The following ZNF804A variants were observed in gnomAD, a reference collection of about 807,000 sequenced individuals.
ZNF804A encodes zinc finger protein 804A.
ZNF804A carries 2 observed loss-of-function variants against 16.5 expected under a neutral mutation model. That is an observed-to-expected ratio of 0.12 (90% CI 0.05 to 0.38). The LOEUF is 0.38. Ranked by LOEUF, ZNF804A falls within the 10% of genes least tolerant of loss-of-function variation. The pLI is 0.99. For missense variants in ZNF804A, 1,473 were observed against 1,390.7 expected (o/e 1.06, Z -0.94); for synonymous variants, 534 against 489.6 (o/e 1.09, Z -1.20).
intron 2 of ZNF804A, among the ~76,000 whole-genome samples, chr2:184,873,169 T>C (rs1027209897): frequency 6.6e-6 from 1 of 152,194 alleles, no homozygotes; most frequent in African/African-American, 2.4e-5. Flanking sequence ...ATCTAGGGAA[T>C]TATTTTTGTG....
At chr2:184,678,987 G>C (rs371281347) in intron 1 of ZNF804A, among the ~76,000 whole-genome samples, 1 of 152,080 alleles carries the variant, frequency 6.6e-6, no homozygotes, top group Admixed American at 6.5e-5. Context: ...TAAATATATA[G>C]TGAGACTCGG....
At chr2:184,815,056 T>C (rs1283378577) in intron 1 of ZNF804A, among the ~76,000 whole-genome samples, 1 of 152,012 alleles carries the variant, frequency 6.6e-6, no homozygotes, top group African/African-American at 2.4e-5. Context: ...AATTGATCAA[T>C]AGAAATAACG....
intron 1 of ZNF804A, among the ~76,000 whole-genome samples, chr2:184,795,055 A>G (rs534105626): frequency 1.3e-5 from 2 of 152,248 alleles, no homozygotes; most frequent in African/African-American, 4.8e-5. Flanking sequence ...TTTAAACTAT[A>G]CCTTAGAACA....
At chr2:184,918,710 G>T (rs1685488679) in intron 2 of ZNF804A, among the ~76,000 whole-genome samples, 1 of 151,972 alleles carries the variant, frequency 6.6e-6, no homozygotes, top group Admixed American at 6.6e-5. Flanking sequence ...TTATCCTTCA[G>T]AGATACTTGC....
chr2:184,616,116 G>A (rs1384386453), intron 1 of ZNF804A, among the ~76,000 whole-genome samples: 1 of 152,008 alleles, frequency 6.6e-6, no homozygotes, highest in Non-Finnish European at 1.5e-5. Context: ...AACATGACTA[G>A]ATTTAGGAAA....
chr2:184,663,402 G>T (rs1281465278), intron 1 of ZNF804A, among the ~76,000 whole-genome samples: 1 of 152,116 alleles, frequency 6.6e-6, no homozygotes, highest in Admixed American at 6.5e-5. Context: ...CTAGACTTTG[G>T]GCACTGTGCA....
At chr2:184,696,768 T>G (rs1437025651) in intron 1 of ZNF804A, among the ~76,000 whole-genome samples, 1 of 152,066 alleles carries the variant, frequency 6.6e-6, no homozygotes, top group Non-Finnish European at 1.5e-5. Flanking sequence ...TCATTCCTTA[T>G]TCCTGTGTTC....
intron 1 of ZNF804A, among the ~76,000 whole-genome samples, chr2:184,713,724 T>A (rs1693170968): frequency 6.6e-6 from 1 of 151,998 alleles, no homozygotes; most frequent in Admixed American, 6.6e-5. Context: ...AACAACGCAT[T>A]TGTTTCTAAG....
chr2:184,697,354 G>T (rs1260796588), intron 1 of ZNF804A, among the ~76,000 whole-genome samples: 1 of 151,994 alleles, frequency 6.6e-6, no homozygotes, highest in Non-Finnish European at 1.5e-5. Context: ...TTGTTTCTGG[G>T]TCATAGAATC....
intron 1 of ZNF804A, among the ~76,000 whole-genome samples, chr2:184,675,652 A>C (rs1435939289): frequency 1.3e-5 from 2 of 151,780 alleles, no homozygotes; most frequent in African/African-American, 4.8e-5. Context: ...GCTATTAAAT[A>C]GATACTTTTT....
At chr2:184,638,198 T>G (rs947230533) in intron 1 of ZNF804A, among the ~76,000 whole-genome samples, 2 of 152,206 alleles carry the variant, frequency 1.3e-5, no homozygotes, top group Non-Finnish European at 2.9e-5. Flanking sequence ...ACTCTTATAT[T>G]TAACTTATTA....
At chr2:184,777,726 TTTG>T (rs921707408) in intron 1 of ZNF804A, among the ~76,000 whole-genome samples, 9 of 151,738 alleles carry the variant, frequency 5.9e-5, no homozygotes, top group African/African-American at 1.7e-4. Flanking sequence ...TAATTGGTCT[TTTG>T]TTGTTGTTGT....
chr2:184,939,230 AAT>A lies in ZNF804A; in HGVS notation c.*206_*207del, dbSNP rs1685855320. 1.8e-6 allele frequency: 1 copy of A among 560,442 alleles called. No individual in the cohort carries two copies. The highest frequency in any genetic ancestry group is 3.3e-5 in the Admixed American group (1 of 30,074). The allele number at this position is 560,442 out of a possible 1,614,324, so 34.7% of individuals were successfully genotyped here. A position where few individuals can be genotyped will look rare whatever the true frequency, so the allele number is the denominator to read the frequency against. ...GATATATAATATTATTAAAGCACTG[AAT>A]AGTTTGAAAATCAATACAATATATG... is the stretch of plus-strand genomic sequence containing the variant. On this transcript the variant is annotated 3_prime_UTR_variant, in exon 4 of 4. Transcript: ENST00000302277.
At chr2:184,613,725 A>G (rs1435977665) in intron 1 of ZNF804A, among the ~76,000 whole-genome samples, 8 of 152,284 alleles carry the variant, frequency 5.3e-5, no homozygotes, top group Admixed American at 3.3e-4. Flanking sequence ...TACAACTTAC[A>G]TGGAATGTGA....
rs368478931 is a variant in ZNF804A at position 184,936,323 on chromosome 2, T to C, written c.927T>C (p.Pro309=). 4 of 1,613,678 alleles carry C rather than the reference T, an allele frequency of 2.5e-6. No homozygotes were observed. The highest frequency in any genetic ancestry group is 2.2e-5 in the East Asian group (1 of 44,806). The part of the protein sequence containing the change: ...VSSEKDALLL[P]SFCKFQLQLS... ...GTGAAAAAGATGCATTATTATTACC[T>C]TCATTTTGCAAGTTTCAACTTCAGT... is the stretch of plus-strand genomic sequence containing the variant. The change falls in exon 4 of 4, where the codon CCT becomes CCC. Residue 309 remains proline (P), a synonymous_variant. Coordinates refer to ENST00000302277, the MANE Select transcript of ZNF804A (RefSeq NM_194250.2).
At chr2:184,883,906 C>T (rs977403750) in intron 2 of ZNF804A, among the ~76,000 whole-genome samples, 2 of 152,088 alleles carry the variant, frequency 1.3e-5, no homozygotes, top group African/African-American at 2.4e-5. Context: ...CAAGGATGCA[C>T]TCACTCACCA....
intron 1 of ZNF804A, among the ~76,000 whole-genome samples, chr2:184,613,267 T>C (rs1691266965): frequency 6.6e-6 from 1 of 152,220 alleles, no homozygotes; most frequent in African/African-American, 2.4e-5. Context: ...TCTCTCTTTC[T>C]CGCTCTCTGC....
chr2:184,681,092 G>T (rs1480431316), intron 1 of ZNF804A, among the ~76,000 whole-genome samples: 1 of 152,212 alleles, frequency 6.6e-6, no homozygotes. Flanking sequence ...TTCCTGGCTT[G>T]CCCTTGGAAG....
intron 1 of ZNF804A, among the ~76,000 whole-genome samples, chr2:184,796,853 A>C (rs12693394): frequency 0.33 from 50,667 of 151,512 alleles, 11,816 homozygotes; most frequent in African/African-American, 0.67. Flanking sequence ...TTGAAGAATT[A>C]TTTAATTTCT....
Sources: allele counts gnomAD v4.1 joint callset (sites outside exome capture counted in the v4.1 genomes callset), GRCh38; gene constraint gnomAD v4.1.1; transcripts MANE v1.5; gene names NCBI Gene and HGNC (gene_info 2026-07-23, HGNC 2026-07-21).